Variants in ADGRL2 observed in about 807,000 individuals in gnomAD.
ADGRL2 encodes calcium-independent alpha-latrotoxin receptor 2.
A neutral mutation model predicts 157.4 loss-of-function variants in ADGRL2; 44 were observed. That is an observed-to-expected ratio of 0.28 (90% CI 0.22 to 0.36). The LOEUF is 0.36. ADGRL2 is among the 10% of genes least tolerant of loss of function. The probability of loss-of-function intolerance (pLI) is 1.00; values close to 1 mark genes in which losing one functional copy is unlikely to be tolerated. For missense variants in ADGRL2, 1,510 were observed against 1,768.9 expected (o/e 0.85, Z 2.63); for synonymous variants, 585 against 624.7 (o/e 0.94, Z 0.95).
At chr1:81,885,118 A>C (rs2151298671) in intron 2 of ADGRL2, among the ~76,000 whole-genome samples, 2 of 152,306 alleles carry the variant, frequency 1.3e-5, no homozygotes, top group African/African-American at 4.8e-5. Context: ...TATTTGAAAA[A>C]CGACCAATAC....
At chr1:81,950,598 G>A (rs1021858107) in intron 7 of ADGRL2, 116 bp downstream of exon 7, 17 of 994,702 alleles carry the variant, frequency 1.7e-5, no homozygotes, top group Non-Finnish European at 2.4e-5. Flanking sequence ...CTTTATTTTT[G>A]TACTTTGGTA....
chr1:81,763,010 T>G (rs1360218079), intron 2 of ADGRL2, among the ~76,000 whole-genome samples: 2 of 126,704 alleles, frequency 1.6e-5, no homozygotes, highest in Non-Finnish European at 3.1e-5. Context: ...CGAGTGCCAC[T>G]GCACTCCAGT....
chr1:81,696,203 T>C (rs549266083), upstream of ADGRL2, among the ~76,000 whole-genome samples: 41 of 152,212 alleles, frequency 2.7e-4, no homozygotes, highest in Non-Finnish European at 5.6e-4. Flanking sequence ...CAGAATTTTT[T>C]TTCCCTCTCG....
intron 3 of ADGRL2, among the ~76,000 whole-genome samples, chr1:81,623,751 C>G (rs1032231642): frequency 1.3e-5 from 2 of 151,392 alleles, no homozygotes; most frequent in Non-Finnish European, 2.9e-5. Context: ...ATTCTCCTGC[C>G]CCAGCCTCCT....
chr1:81,746,249 C>A (rs960869611), intron 1 of ADGRL2, among the ~76,000 whole-genome samples: 6 of 151,832 alleles, frequency 4.0e-5, no homozygotes, highest in Non-Finnish European at 7.4e-5. Context: ...TTATAAGATG[C>A]CAAATATTAT....
intron 1 of ADGRL2, among the ~76,000 whole-genome samples, chr1:81,309,066 G>A (rs749336277): frequency 2.0e-5 from 3 of 152,096 alleles, no homozygotes; most frequent in Non-Finnish European, 2.9e-5. Flanking sequence ...TGCTATGGAA[G>A]GTGTTAATAA....
chr1:81,864,784 A>G (rs2093488295), intron 2 of ADGRL2, among the ~76,000 whole-genome samples: 1 of 152,182 alleles, frequency 6.6e-6, no homozygotes, highest in South Asian at 2.1e-4. Context: ...CAACATGGCG[A>G]AACCCCATTT....
chr1:81,894,494 C>A (rs1481250558), intron 2 of ADGRL2, among the ~76,000 whole-genome samples: 1 of 151,954 alleles, frequency 6.6e-6, no homozygotes, highest in Non-Finnish European at 1.5e-5. Context: ...CCCACAAGCT[C>A]TGTATATCTT....
intron 2 of ADGRL2, among the ~76,000 whole-genome samples, chr1:81,867,865 T>C (rs2093587631): frequency 6.6e-6 from 1 of 152,062 alleles, no homozygotes; most frequent in Admixed American, 6.6e-5. Context: ...TATTATCTCT[T>C]TATATCGTAT....
At chr1:81,526,692 T>C (rs1406191042) in intron 2 of ADGRL2, among the ~76,000 whole-genome samples, 1 of 152,230 alleles carries the variant, frequency 6.6e-6, no homozygotes, top group Non-Finnish European at 1.5e-5. Context: ...TTTTTTCTGC[T>C]TTAAAAACAG....
chr1:81,737,315 G>A (rs185964516), intron 1 of ADGRL2, among the ~76,000 whole-genome samples: 328 of 152,332 alleles, frequency 2.2e-3, no homozygotes, highest in Admixed American at 5.2e-3. Context: ...TTACAATCAT[G>A]GCAGAAGGGT....
intron 1 of ADGRL2, among the ~76,000 whole-genome samples, chr1:81,345,905 AG>A (rs1427741025): frequency 6.6e-6 from 1 of 152,216 alleles, no homozygotes; most frequent in Admixed American, 6.5e-5. Flanking sequence ...CCATTTCAAA[AG>A]GTTTGAGCTT....
chr1:81,337,719 A>G (rs1324135126), intron 1 of ADGRL2, among the ~76,000 whole-genome samples: 1 of 152,144 alleles, frequency 6.6e-6, no homozygotes, highest in African/African-American at 2.4e-5. Flanking sequence ...GGATTTGTAG[A>G]CAACCAAAAA....
intron 1 of ADGRL2, among the ~76,000 whole-genome samples, chr1:81,444,683 A>T (rs2077569734): frequency 1.3e-5 from 2 of 152,162 alleles, no homozygotes; most frequent in African/African-American, 4.8e-5. Flanking sequence ...CTGTCTAATG[A>T]CTAACAAGAT....
chr1:81,928,266 G>A (rs1264565878), intron 3 of ADGRL2, among the ~76,000 whole-genome samples: 3 of 151,982 alleles, frequency 2.0e-5, no homozygotes, highest in South Asian at 2.1e-4. Context: ...ATTTCATAAG[G>A]GTTTGTTATT....
intron 2 of ADGRL2, among the ~76,000 whole-genome samples, chr1:81,559,341 G>A (rs1369636282): frequency 6.6e-6 from 1 of 152,052 alleles, no homozygotes; most frequent in African/African-American, 2.4e-5. Flanking sequence ...ACTGATTAGT[G>A]TCAATTGTGA....
chr1:81,697,520 T>C (rs548313768), upstream of ADGRL2, among the ~76,000 whole-genome samples: 72 of 152,296 alleles, frequency 4.7e-4, no homozygotes, highest in South Asian at 0.01. Context: ...CCAGGCTGTG[T>C]GCTTTTTCAG....
chr1:81,585,103 G>A (rs1263040010), intron 3 of ADGRL2, among the ~76,000 whole-genome samples: 2 of 152,084 alleles, frequency 1.3e-5, no homozygotes, highest in African/African-American at 4.8e-5. Flanking sequence ...ATAGCTAAAA[G>A]GAAAGAGCTG....
intron 3 of ADGRL2, chr1:81,588,553 C>T (rs2081071111): frequency 6.6e-6 from 1 of 152,224 alleles, no homozygotes; most frequent in South Asian, 2.1e-4. Context: ...TCCAGATGTT[C>T]CTCCTTATGG....
Sources: allele counts gnomAD v4.1 joint callset (sites outside exome capture counted in the v4.1 genomes callset), GRCh38; gene constraint gnomAD v4.1.1; transcripts MANE v1.5; gene names NCBI Gene and HGNC (gene_info 2026-07-23, HGNC 2026-07-21).